Variants in APPBP2 observed in about 807,000 individuals in gnomAD.
APPBP2 encodes amyloid beta precursor protein binding protein 2.
Under a neutral mutation model 76.0 loss-of-function variants are expected in APPBP2, and 15 were observed. The ratio of observed to expected loss-of-function variants is 0.20; its 90% CI spans 0.13 to 0.30. The LOEUF is 0.30. Among genes scored for constraint, APPBP2 ranks in the 10% least tolerant of loss-of-function variants. APPBP2 has a pLI of 1.00. For synonymous variants in APPBP2, 222 were observed against 242.2 expected (o/e 0.92, Z 0.77); for missense variants, 401 against 687.2 (o/e 0.58, Z 4.66).
At chr17:60,450,547 T>A (rs745793187) in intron 12 of APPBP2, among the ~76,000 whole-genome samples, 1 of 151,556 alleles carries the variant, frequency 6.6e-6, no homozygotes, top group Non-Finnish European at 1.5e-5. Context: ...GGTAGGAGGA[T>A]TACTTGAGCT....
intron 3 of APPBP2, among the ~76,000 whole-genome samples, chr17:60,487,130 TTTCC>T (rs1009694128): frequency 1.3e-5 from 2 of 152,164 alleles, no homozygotes; most frequent in African/African-American, 4.8e-5. Context: ...CTTAACATTT[TTTCC>T]TTCATTTTTA....
chr17:60,525,868 C>A lies in APPBP2; in HGVS notation c.64G>T (p.Val22Leu). The change falls in exon 1 of 13, where the codon GTG (valine) becomes TTG (leucine). Residue 22 changes from valine (V) to leucine (L), a missense_variant. Around this residue, in one of 5 missense-constraint regions of APPBP2, gnomAD observed 149 missense variants for 198.4 expected, o/e 0.75. Coordinates refer to ENST00000083182, the MANE Select transcript of APPBP2 (RefSeq NM_006380.5). ...CGGCGGGAGCGGATGTAGTTGTCCA[C>A]GACAGCGGAGATGGCGGTGTTATAG... is the stretch of plus-strand genomic sequence containing the variant. ...TLYNTAISAV[V>L]DNYIRSRRDI... 1 of 1,614,012 alleles carries A rather than the reference C, an allele frequency of 6.2e-7. No individual in the cohort carries two copies. The highest frequency in any genetic ancestry group is 8.5e-7 in the Non-Finnish European group (1 of 1,179,982).
At chr17:60,492,163 T>A (rs1367802177) in intron 3 of APPBP2, among the ~76,000 whole-genome samples, 1 of 152,124 alleles carries the variant, frequency 6.6e-6, no homozygotes, top group African/African-American at 2.4e-5. Flanking sequence ...AGCCTGTGGG[T>A]GCCCAGAAGT....
At chr17:60,462,410 A>AT (rs1439658190) in intron 6 of APPBP2, 5 of 196,618 alleles carry the variant, frequency 2.5e-5, no homozygotes, top group African/African-American at 4.7e-5. Context: ...TAAGGTCCTT[A>AT]TATCCCAGTC....
At chr17:60,450,107 C>A (rs751687279) in intron 12 of APPBP2, among the ~76,000 whole-genome samples, 9 of 150,902 alleles carry the variant, frequency 6.0e-5, no homozygotes, top group Non-Finnish European at 8.8e-5. Flanking sequence ...GAAAAGATTT[C>A]TTAAACAATA....
intron 8 of APPBP2, 42 bp from the exon 9 acceptor site, chr17:60,460,829 A>C: frequency 6.3e-7 from 1 of 1,586,322 alleles, no homozygotes; most frequent in Non-Finnish European, 8.6e-7. Context: ...TGTAGAAAAT[A>C]CCACCTAGTT....
chr17:60,461,184 G>A (rs1480687032), intron 8 of APPBP2: 1 of 154,248 alleles, frequency 6.5e-6, no homozygotes, highest in African/African-American at 2.4e-5. Flanking sequence ...AGACTAGCCT[G>A]GGCAACATGC....
rs2090398567 is a variant in APPBP2, at chr17:60,451,942, T to C, written c.1442A>G (p.Tyr481Cys). Reference sequence around the variant, plus strand: ...TTCATACTGATTCATGTCATAATTATATAAAGAAGCCAGATGTCCCACTGA... The same window carrying C: ...TTCATACTGATTCATGTCATAATTACATAAAGAAGCCAGATGTCCCACTGA... ...ALSVGHLASL[Y>C]NYDMNQYENA... Residue 481 changes from tyrosine (Y) to cysteine (C), a missense_variant, in exon 12 of 13, where the codon TAT becomes TGT. Transcript: ENST00000083182. The C allele has an allele frequency of 6.2e-7, 1 of 1,613,882 alleles. No homozygotes were observed. Among genetic ancestry groups the C allele is most frequent in the Non-Finnish European group, 8.5e-7 (1 of 1,179,866 alleles).
chr17:60,445,744 C>G lies in APPBP2; in HGVS notation c.*1837G>C, dbSNP rs540498458. ...GGGGCAGCTTCATAAACTGCAAGTA[C>G]GTCAATTTACTCTTTCCAAAATTTA... On this transcript the variant is annotated 3_prime_UTR_variant, in exon 13 of 13. Transcript: ENST00000083182. 2.0e-5 allele frequency: 3 copies of G among 152,128 alleles called. No homozygotes were observed. The highest frequency in any genetic ancestry group is 2.9e-5 in the Non-Finnish European group (2 of 68,040). 9.4% of individuals were successfully genotyped at this position (152,128 alleles called of 1,614,324 possible).
chr17:60,485,786 G>A (rs1006838022), intron 3 of APPBP2, among the ~76,000 whole-genome samples: 1 of 152,066 alleles, frequency 6.6e-6, no homozygotes, highest in Admixed American at 6.6e-5. Flanking sequence ...TTTTAATTGT[G>A]ATGGTAGGGT....
chr17:60,455,941 C>T (rs1402244063), intron 10 of APPBP2, among the ~76,000 whole-genome samples: 1 of 152,160 alleles, frequency 6.6e-6, no homozygotes, highest in Non-Finnish European at 1.5e-5. Flanking sequence ...CCACATCCGG[C>T]TAATTTTTGT....
At chr17:60,448,455 T>G (rs555833385) in intron 12 of APPBP2, among the ~76,000 whole-genome samples, 31 of 152,250 alleles carry the variant, frequency 2.0e-4, no homozygotes, top group African/African-American at 7.2e-4. Flanking sequence ...AGAGAGAGAC[T>G]CCGTCTCAAA....
chr17:60,518,358 CGTGTGT>C (rs59428194), intron 1 of APPBP2, among the ~76,000 whole-genome samples: 6,265 of 88,336 alleles, frequency 0.071, 434 homozygotes, highest in African/African-American at 0.18. Context: ...TGTGTGCGTG[CGTGTGT>C]GTGTGTGTGT....
chr17:60,516,108 A>G lies in APPBP2; in HGVS notation c.138+9686T>C, dbSNP rs532868082. Reference sequence around the variant, plus strand: ...AACCCAGAAGGCAGAGGTTGCAGTGAGCAGAGATCATGCCACTGCACTCCT... The same window carrying G: ...AACCCAGAAGGCAGAGGTTGCAGTGGGCAGAGATCATGCCACTGCACTCCT... On this transcript the variant is annotated intron_variant, in intron 1 of 12. Coordinates refer to ENST00000083182, the MANE Select transcript of APPBP2 (RefSeq NM_006380.5). 4.6e-5 allele frequency among the ~76,000 whole-genome samples: 7 copies of G among 152,148 alleles called. No homozygotes were observed. In the South Asian group the frequency reaches 1.5e-3, roughly 32 times the overall value.
At chr17:60,458,814 C>T (rs1176122786) in intron 9 of APPBP2, among the ~76,000 whole-genome samples, 5 of 145,848 alleles carry the variant, frequency 3.4e-5, no homozygotes, top group African/African-American at 7.6e-5. Context: ...CTCGTTCTGT[C>T]GCCACGCTGG....
intron 3 of APPBP2, among the ~76,000 whole-genome samples, chr17:60,490,484 C>A (rs535242701): frequency 1.4e-4 from 21 of 152,218 alleles, no homozygotes; most frequent in African/African-American, 5.1e-4. Context: ...CCAGCCTGGG[C>A]AACATAGCAA....
At position 60,500,460 on chromosome 17, in the gene APPBP2, G is replaced by A; in HGVS notation, c.166C>T (p.Leu56=). 6.2e-7 allele frequency: 1 copy of A among 1,610,724 alleles called. No individual in the cohort carries two copies. The highest frequency in any genetic ancestry group is 1.1e-5 in the South Asian group (1 of 89,946). The change falls in exon 2 of 13, where the codon CTG becomes TTG. Residue 56 remains leucine (L), a synonymous_variant. Coordinates refer to ENST00000083182, the MANE Select transcript of APPBP2 (RefSeq NM_006380.5). The part of the protein sequence containing the change: ...KLYQQGRLCQ[L]GSEFCELEVF... ...TCCAATTCACAAAATTCACTGCCCA[G>A]TTGACATAAGCGTCCCTGTTGGTAA...
In APPBP2 at chr17:60,451,835, T is replaced by C. The variant is rs565416093; in HGVS notation, c.1504+45A>G. ...ACAACATATAAGACATGCTGACATG[T>C]TGATTTGTAATCAACTGACTAAAGA... On this transcript the variant is annotated intron_variant, in intron 12 of 12. Coordinates refer to ENST00000083182, the MANE Select transcript of APPBP2 (RefSeq NM_006380.5). 11 of 1,516,340 alleles carry C rather than the reference T, an allele frequency of 7.3e-6. No homozygotes were observed. In the Admixed American group the frequency reaches 7.9e-5, roughly 11 times the overall value. The allele number at this position is 1,516,340 out of a possible 1,614,324, so 93.9% of individuals were successfully genotyped here. A position where few individuals can be genotyped will look rare whatever the true frequency, so the allele number is the denominator to read the frequency against.
chr17:60,524,374 T>A lies in APPBP2; in HGVS notation c.138+1420A>T, dbSNP rs1272603018. On this transcript the variant is annotated intron_variant, in intron 1 of 12. Coordinates refer to ENST00000083182, the MANE Select transcript of APPBP2 (RefSeq NM_006380.5). ...TGAGAAAGACAAATCTAATTTGTCC[T>A]TCCTGGGGAGGAATGTATCTTAAAT... 2.0e-5 allele frequency among the ~76,000 whole-genome samples: 3 copies of A among 152,182 alleles called. No individual in the cohort carries two copies. The East Asian group carries it at 5.8e-4, about 29-fold the overall frequency.
Sources: gnomAD v4.1 joint callset for allele counts (sites outside exome capture counted in the v4.1 genomes callset) on GRCh38, gnomAD v4.1.1 for gene constraint, gnomAD v4.1.1 regional missense constraint, MANE v1.5 for transcripts, NCBI Gene and HGNC (gene_info 2026-07-23, HGNC 2026-07-21) for gene names.